Variants in CATSPER3 observed in about 807,000 individuals in gnomAD.
CATSPER3 encodes the protein cation channel sperm associated 3.
Under a neutral mutation model 36.6 loss-of-function variants are expected in CATSPER3, and 23 were observed. The observed-to-expected ratio is 0.63, with a 90% CI of 0.45 to 0.89. The LOEUF (loss-of-function observed/expected upper bound fraction) is 0.89. CATSPER3 is among the 40% of genes least tolerant of loss of function. The pLI is 0.00. For synonymous variants in CATSPER3, 172 were observed against 184.1 expected, an observed-to-expected ratio of 0.93 and a Z score of 0.53; for missense variants, 474 against 503.9, an observed-to-expected ratio of 0.94 and a Z score of 0.57.
intron 2 of CATSPER3, among the ~76,000 whole-genome samples, chr5:134,987,194 A>G (rs1751822023): frequency 6.6e-6 from 1 of 152,230 alleles, no homozygotes; most frequent in South Asian, 2.1e-4. Flanking sequence ...GATCTTATAG[A>G]AGCAAAAAGG....
chr5:134,994,065 C>T (rs1751914966), intron 2 of CATSPER3, among the ~76,000 whole-genome samples: 1 of 152,132 alleles, frequency 6.6e-6, no homozygotes, highest in Non-Finnish European at 1.5e-5. Flanking sequence ...GCGGAGGTTG[C>T]AGTGTGCTGA....
chr5:135,005,171 T>C (rs537446227), intron 3 of CATSPER3, among the ~76,000 whole-genome samples: 197 of 152,292 alleles, frequency 1.3e-3, no homozygotes, highest in Non-Finnish European at 2.6e-3. Context: ...GCTGGCTTAG[T>C]GCACCGTCTT....
At chr5:134,994,491 TGC>T (rs1751919737) in intron 2 of CATSPER3, among the ~76,000 whole-genome samples, 1 of 152,232 alleles carries the variant, frequency 6.6e-6, no homozygotes, top group Admixed American at 6.5e-5. Flanking sequence ...GAAAACAATT[TGC>T]CAATATATAG....
At chr5:134,995,984 A>T in intron 2 of CATSPER3, 1 of 485,670 alleles carries the variant, frequency 2.1e-6, no homozygotes, top group Non-Finnish European at 3.8e-6. Flanking sequence ...ATTCAGGTTG[A>T]GTTGCAGTAT....
chr5:134,986,356 C>T (rs1160380086), intron 2 of CATSPER3, among the ~76,000 whole-genome samples: 1 of 151,820 alleles, frequency 6.6e-6, no homozygotes, highest in Non-Finnish European at 1.5e-5. Flanking sequence ...GTTGGTCAGG[C>T]TGGTCTCGAA....
Position 134,969,951 on chromosome 5 carries a change from T to A in CATSPER3, c.111T>A (p.Asp37Glu). The change falls in exon 2 of 8, where the codon GAT (aspartate) becomes GAA (glutamate). Residue 37 changes from aspartate to glutamate, a missense_variant. Transcript: ENST00000282611. ...AACTTTTTGACAGGAGGAACGATGATGAATGTCGGGCATTTGTGAAGAGAG... is the reference window on the plus strand; with the variant it reads ...AACTTTTTGACAGGAGGAACGATGAAGAATGTCGGGCATTTGTGAAGAGAG... Reference protein sequence around the residue: ...PTFKKFKRNDDECRAFVKRVI... With the variant: ...PTFKKFKRNDEECRAFVKRVI... The A allele has an allele frequency of 6.2e-7, 1 of 1,614,144 alleles. No individual in the cohort carries two copies. Among genetic ancestry groups the A allele is most frequent in the Non-Finnish European group, 8.5e-7 (1 of 1,180,018 alleles).
Position 134,968,020 on chromosome 5 carries a change from C to T in CATSPER3, c.29C>T (p.Ser10Leu), listed in dbSNP as rs377374613. Reference sequence around the variant, plus strand: ...TCTCAACACCGTCACCAGCGCCACTCGAGAGTCATTTCTAGTTCACCAGTT... The same window carrying T: ...TCTCAACACCGTCACCAGCGCCACTTGAGAGTCATTTCTAGTTCACCAGTT... Reference protein sequence around the residue: MSQHRHQRHSRVISSSPVDT... With the variant: MSQHRHQRHLRVISSSPVDT... The change falls in exon 1 of 8, where the codon TCG (serine) becomes TTG (leucine). Residue 10 changes from serine to leucine, a missense_variant. Transcript: ENST00000282611. 3.2e-5 allele frequency: 52 copies of T among 1,614,042 alleles called. No homozygotes were observed. Among genetic ancestry groups the T allele is most frequent in the African/African-American group, 3.1e-4 (23 of 75,046 alleles).
At chr5:135,007,879 G>T in intron 3 of CATSPER3, 78 bp from the exon 4 acceptor site, 1 of 1,168,110 alleles carries the variant, frequency 8.6e-7, no homozygotes, top group Non-Finnish European at 1.2e-6. Flanking sequence ...GCTGTGAACT[G>T]GGCAGAATGG....
At chr5:134,994,604 G>A (rs187027445) in intron 2 of CATSPER3, among the ~76,000 whole-genome samples, 4 of 152,278 alleles carry the variant, frequency 2.6e-5, no homozygotes, top group Non-Finnish European at 5.9e-5. Context: ...TACAAGAATT[G>A]TTGTGAGATA....
chr5:134,997,754 G>A (rs1039777096), intron 3 of CATSPER3, among the ~76,000 whole-genome samples: 34 of 151,916 alleles, frequency 2.2e-4, no homozygotes, highest in Middle Eastern at 3.4e-3. Context: ...CACTTTCCAG[G>A]ACCCTCCACC....
intron 2 of CATSPER3, among the ~76,000 whole-genome samples, chr5:134,982,836 A>T (rs984371442): frequency 6.6e-6 from 1 of 152,230 alleles, no homozygotes; most frequent in Non-Finnish European, 1.5e-5. Flanking sequence ...TTTTAAAAAT[A>T]TATGGTTTAA....
In CATSPER3 at chr5:134,967,932, C is replaced by T; in HGVS notation, c.-60C>T. ...AGAATCCAGACGCTAAGGAAAATCC[C>T]TAAGCAGAGATTTTCTGTTGGATGC... On this transcript the variant is annotated 5_prime_UTR_variant, in exon 1 of 8. Coordinates refer to ENST00000282611, the MANE Select transcript of CATSPER3 (RefSeq NM_178019.3). 6.9e-6 allele frequency: 9 copies of T among 1,311,810 alleles called. No homozygotes were observed. The highest frequency in any genetic ancestry group is 1.5e-5 in the African/African-American group (1 of 68,866). The allele number at this position is 1,311,810 out of a possible 1,614,324, so 81.3% of individuals were successfully genotyped here.
chr5:135,003,336 G>A (rs1024062025), intron 3 of CATSPER3, among the ~76,000 whole-genome samples: 1 of 152,140 alleles, frequency 6.6e-6, no homozygotes. Flanking sequence ...AGGGGCACCC[G>A]GCCATGTGAG....
rs187020881 is a variant in CATSPER3, at chr5:134,973,032, C to T, written c.252+2940C>T. Among the ~76,000 whole-genome samples, 6 of 152,136 alleles carry T rather than the reference C, an allele frequency of 3.9e-5. No homozygotes were observed. The East Asian group carries it at 7.7e-4, about 20-fold the overall frequency. ...AAAATGTAAACCAAGAATTTTAGATCAGAAAAATTGACTTTCAAGTATAAA... is the reference window on the plus strand; with the variant it reads ...AAAATGTAAACCAAGAATTTTAGATTAGAAAAATTGACTTTCAAGTATAAA... On this transcript the variant is annotated intron_variant, in intron 2 of 7. Transcript: ENST00000282611.
intron 2 of CATSPER3, among the ~76,000 whole-genome samples, chr5:134,980,311 T>A (rs1488981149): frequency 6.8e-6 from 1 of 147,662 alleles, no homozygotes; most frequent in Non-Finnish European, 1.5e-5. Context: ...TTCTCTCCTC[T>A]CCTTTATTCT....
chr5:134,982,761 GGGTAAGGCAACTGCATCAGTAAATA>G (rs1233217970), intron 2 of CATSPER3, among the ~76,000 whole-genome samples: 1 of 152,156 alleles, frequency 6.6e-6, no homozygotes, highest in Non-Finnish European at 1.5e-5. Context: ...TAAAGAACTT[GGGTAAGGCAACTGCATCAGTAAATA>G]CAAAAGCTAG....
At chr5:135,005,216 G>A (rs1394433708) in intron 3 of CATSPER3, among the ~76,000 whole-genome samples, 16 of 152,216 alleles carry the variant, frequency 1.1e-4, no homozygotes, top group South Asian at 4.1e-4. Context: ...GAAGGCAAAG[G>A]CTCCTGCTGG....
chr5:135,011,453 G>T, intron 7 of CATSPER3, 68 bp from the exon 8 acceptor site: 2 of 1,157,674 alleles, frequency 1.7e-6, no homozygotes, highest in South Asian at 2.6e-5. Flanking sequence ...CGTGTGGTCA[G>T]TGGGGCCAGG....
intron 2 of CATSPER3, among the ~76,000 whole-genome samples, chr5:134,990,431 A>T (rs1327068931): frequency 6.6e-6 from 1 of 152,196 alleles, no homozygotes; most frequent in Non-Finnish European, 1.5e-5. Flanking sequence ...TGGCAATCAG[A>T]TATGCATTTA....
Sources: allele counts gnomAD v4.1 joint callset (sites outside exome capture counted in the v4.1 genomes callset), GRCh38; gene constraint gnomAD v4.1.1; transcripts MANE v1.5; gene names NCBI Gene and HGNC (gene_info 2026-07-23, HGNC 2026-07-21).